Variants in PITPNA observed in about 807,000 individuals in gnomAD.
PITPNA encodes the protein phosphatidylinositol transfer protein alpha, also known as phosphatidylinositol transfer protein alpha isoform.
Under a neutral mutation model 50.3 loss-of-function variants are expected in PITPNA, and 13 were observed. The ratio of observed to expected loss-of-function variants is 0.26; its 90% CI spans 0.17 to 0.41. The LOEUF is 0.41. Among genes scored for constraint, PITPNA ranks in the 10% least tolerant of loss-of-function variants. PITPNA has a pLI of 1.00. For synonymous variants in PITPNA, 120 were observed against 119.6 expected, an observed-to-expected ratio of 1.00 and a Z score of -0.02; for missense variants, 207 against 333.4, an observed-to-expected ratio of 0.62 and a Z score of 2.95.
Position 1,562,065 on chromosome 17 carries a change from G to A in PITPNA, c.20+476C>T, listed in dbSNP as rs2075771253. 1.3e-5 allele frequency among the ~76,000 whole-genome samples: 2 copies of A among 151,988 alleles called. No individual in the cohort carries two copies. Among genetic ancestry groups the A allele is most frequent in the South Asian group, 4.1e-4 (2 of 4,824 alleles). ...GACCCCACAGCACTCCCAGCGCTCG[G>A]CGTCCCCTCGGCCTCCCCCAGTCCC... On this transcript the variant is annotated intron_variant, in intron 1 of 11. Coordinates refer to ENST00000313486, the MANE Select transcript of PITPNA (RefSeq NM_006224.4). The surrounding 1 kb of genome is among the most constrained non-coding windows in gnomAD (Gnocchi z 6.4).
intron 9 of PITPNA, among the ~76,000 whole-genome samples, chr17:1,534,431 G>T (rs1382893263): frequency 6.6e-6 from 1 of 152,090 alleles, no homozygotes; most frequent in East Asian, 1.9e-4. Context: ...ATAGGAGGGA[G>T]CCCCCAAGAA....
At chr17:1,557,938 A>C (rs914570501) in intron 2 of PITPNA, among the ~76,000 whole-genome samples, 7 of 152,126 alleles carry the variant, frequency 4.6e-5, no homozygotes, top group Admixed American at 3.3e-4. Flanking sequence ...TCCCATCAAT[A>C]ATGCGTCCCC....
At position 1,519,733 on chromosome 17, in the gene PITPNA, A is replaced by G. The variant is rs2075497451; in HGVS notation, c.*828T>C. On this transcript the variant is annotated 3_prime_UTR_variant, in exon 12 of 12. Transcript: ENST00000313486. ...GACTTACAGAGCTCCTCGGGGTCAG[A>G]CAGTTGGTATCTAGGGGGTGACTCA... The G allele has an allele frequency of 6.6e-6, 1 of 152,532 alleles. No individual in the cohort carries two copies. Among genetic ancestry groups the G allele is most frequent in the African/African-American group, 2.4e-5 (1 of 41,434 alleles). The allele number at this position is 152,532 out of a possible 1,614,324, so 9.4% of individuals were successfully genotyped here. A position where few individuals can be genotyped will look rare whatever the true frequency, so the allele number is the denominator to read the frequency against.
intron 3 of PITPNA, among the ~76,000 whole-genome samples, chr17:1,551,493 A>G (rs1309083489): frequency 6.6e-6 from 1 of 151,784 alleles, no homozygotes; most frequent in Non-Finnish European, 1.5e-5. Context: ...GAGTCTCGCT[A>G]TGTTGCCCAG....
At chr17:1,549,010 C>A (rs899672157) in intron 3 of PITPNA, among the ~76,000 whole-genome samples, 2 of 152,158 alleles carry the variant, frequency 1.3e-5, no homozygotes, top group African/African-American at 4.8e-5. Flanking sequence ...CCAGTTCAAG[C>A]GATTCTCCCG....
intron 10 of PITPNA, among the ~76,000 whole-genome samples, chr17:1,529,958 G>A (rs2075571767): frequency 6.6e-6 from 1 of 152,130 alleles, no homozygotes; most frequent in Admixed American, 6.6e-5. Flanking sequence ...AGGCCAAGAG[G>A]TACTTGTTCA....
chr17:1,518,562 G>C lies in PITPNA; in HGVS notation c.*1999C>G, dbSNP rs1005077236. On this transcript the variant is annotated 3_prime_UTR_variant, in exon 12 of 12. Coordinates refer to ENST00000313486, the MANE Select transcript of PITPNA (RefSeq NM_006224.4). ...TCCAGGCTGACCTCAGCTCATAATG[G>C]ATGCTTTTCAACTGGGGCAACAGGT... 1.9e-4 allele frequency: 29 copies of C among 152,680 alleles called. No homozygotes were observed. Among genetic ancestry groups the C allele is most frequent in the African/African-American group, 5.8e-4 (24 of 41,442 alleles). The allele number at this position is 152,680 out of a possible 1,614,324, so 9.5% of individuals were successfully genotyped here.
intron 10 of PITPNA, among the ~76,000 whole-genome samples, chr17:1,525,952 G>T (rs1330418013): frequency 2.0e-5 from 3 of 152,218 alleles, no homozygotes; most frequent in South Asian, 2.1e-4. Flanking sequence ...CTATGAGAAG[G>T]TCTGGGAGCT....
intron 9 of PITPNA, 104 bp from the exon 10 acceptor site, chr17:1,534,325 G>T: frequency 7.0e-7 from 1 of 1,419,294 alleles, no homozygotes; most frequent in Non-Finnish European, 9.8e-7. Context: ...GACTGGGGAC[G>T]GGCGGACAGG....
At chr17:1,542,061 A>G (rs368046059) in intron 5 of PITPNA, among the ~76,000 whole-genome samples, 15 of 152,080 alleles carry the variant, frequency 9.9e-5, no homozygotes, top group African/African-American at 2.9e-4. Context: ...TTATCCAGGC[A>G]TGGTGGCGGG....
chr17:1,545,325 T>C (rs2075667438), intron 4 of PITPNA, among the ~76,000 whole-genome samples: 2 of 152,370 alleles, frequency 1.3e-5, no homozygotes, highest in Non-Finnish European at 2.9e-5. Flanking sequence ...CCTTCATCTA[T>C]CTTCCTTCAA....
chr17:1,555,945 C>T (rs967613574), intron 2 of PITPNA, among the ~76,000 whole-genome samples: 7 of 152,210 alleles, frequency 4.6e-5, no homozygotes, highest in East Asian at 1.9e-4. Context: ...TGCAGGCCAT[C>T]GGAATGATTA....
chr17:1,529,397 C>A, intron 10 of PITPNA, among the ~76,000 whole-genome samples: 1 of 151,710 alleles, frequency 6.6e-6, no homozygotes, highest in Admixed American at 6.6e-5. Flanking sequence ...TGGCGGGCGC[C>A]TCTAGTCCCA....
intron 6 of PITPNA, among the ~76,000 whole-genome samples, chr17:1,539,818 ACT>A (rs1180641222): frequency 1.3e-5 from 2 of 152,036 alleles, no homozygotes; most frequent in Non-Finnish European, 2.9e-5. Flanking sequence ...CTCACTGCAA[ACT>A]CTGCCTCCCG....
At chr17:1,556,039 T>A (rs537969107) in intron 2 of PITPNA, among the ~76,000 whole-genome samples, 2 of 152,200 alleles carry the variant, frequency 1.3e-5, no homozygotes, top group African/African-American at 4.8e-5. Context: ...GCCTCCAATT[T>A]AGGAAGTGAA....
intron 4 of PITPNA, among the ~76,000 whole-genome samples, chr17:1,543,701 C>G (rs2075659461): frequency 6.6e-6 from 1 of 152,056 alleles, no homozygotes; most frequent in African/African-American, 2.4e-5. Flanking sequence ...GTAACAAACT[C>G]CAGAACTGAA....
chr17:1,530,584 A>C (rs2075575259), intron 10 of PITPNA, among the ~76,000 whole-genome samples: 1 of 152,346 alleles, frequency 6.6e-6, no homozygotes, highest in South Asian at 2.1e-4. Flanking sequence ...CTAGACGACT[A>C]TGTACTGGCT....
chr17:1,533,998 C>G (rs1322877448), intron 10 of PITPNA, 101 bp downstream of exon 10: 7 of 1,387,178 alleles, frequency 5.0e-6, no homozygotes, highest in Non-Finnish European at 7.1e-6. Context: ...GACGTGTTCC[C>G]AGAACTACAG....
intron 4 of PITPNA, among the ~76,000 whole-genome samples, chr17:1,547,997 A>G (rs2075686599): frequency 2.0e-5 from 3 of 152,196 alleles, no homozygotes. Context: ...CCATCTCCCA[A>G]AAAATAAATA....
Sources: gnomAD v4.1 joint callset for allele counts (sites outside exome capture counted in the v4.1 genomes callset) on GRCh38, gnomAD v4.1.1 for gene constraint, Gnocchi (gnomAD v3.1) non-coding constraint, MANE v1.5 for transcripts, NCBI Gene and HGNC (gene_info 2026-07-23, HGNC 2026-07-21) for gene names.